PALLD: variants seen among roughly 807,000 people sequenced by gnomAD.
PALLD encodes palladin.
In PALLD, 61 loss-of-function variants were observed where a neutral mutation model predicts 123.5. The ratio of observed to expected loss-of-function variants is 0.49; its 90% CI spans 0.40 to 0.61. The LOEUF is 0.61. Ranked by LOEUF, PALLD falls within the 20% of genes least tolerant of loss-of-function variation. The pLI is 0.00. For synonymous variants in PALLD, 465 were observed against 496.4 expected, an observed-to-expected ratio of 0.94 and a Z score of 0.84; for missense variants, 1,273 against 1,377.0, an observed-to-expected ratio of 0.92 and a Z score of 1.20.
chr4:168,649,883 A>G lies in PALLD; in HGVS notation c.909-18307A>G, dbSNP rs1054684213. On this transcript the variant is annotated intron_variant, in intron 2 of 21. Transcript: ENST00000505667. ...CTCTTTTGTACATTTTAATAAGTTT[A>G]AAATATATAAAGTGGCCAGGCATGG... is the stretch of plus-strand genomic sequence containing the variant. Among the ~76,000 whole-genome samples, 62 of 152,338 alleles carry G rather than the reference A, an allele frequency of 4.1e-4. 1 individual carries two copies. The highest frequency in any genetic ancestry group is 1.3e-4 in the Admixed American group (2 of 15,298).
intron 10 of PALLD, among the ~76,000 whole-genome samples, chr4:168,842,622 C>T (rs1746195576): frequency 6.6e-6 from 1 of 152,220 alleles, no homozygotes; most frequent in Non-Finnish European, 1.5e-5. Flanking sequence ...CCCCAGACAA[C>T]CTACATTGCC....
chr4:168,538,267 T>C (rs1288641823), intron 2 of PALLD, among the ~76,000 whole-genome samples: 1 of 152,138 alleles, frequency 6.6e-6, no homozygotes, highest in Non-Finnish European at 1.5e-5. Flanking sequence ...TCTGAGTAAG[T>C]AAACAATCCA....
In PALLD at chr4:168,589,958, G is replaced by T. The variant is rs998283845; in HGVS notation, c.908+77546G>T. 3.3e-5 allele frequency among the ~76,000 whole-genome samples: 5 copies of T among 152,178 alleles called. No individual in the cohort carries two copies. In the East Asian group the frequency reaches 5.8e-4, roughly 18 times the overall value. On this transcript the variant is annotated intron_variant, in intron 2 of 21. Transcript: ENST00000505667. ...CCAGTTTTTACAAGGATGTCCATTT[G>T]CACCAAATGTCACATGGTGGAAGAA... is the stretch of plus-strand genomic sequence containing the variant.
chr4:168,666,898 A>G (rs1247201478), intron 2 of PALLD, among the ~76,000 whole-genome samples: 1 of 152,204 alleles, frequency 6.6e-6, no homozygotes, highest in Non-Finnish European at 1.5e-5. Flanking sequence ...GTTCTTCAAG[A>G]CTTTATGACA....
intron 10 of PALLD, among the ~76,000 whole-genome samples, chr4:168,768,878 G>A (rs977427412): frequency 1.1e-4 from 17 of 151,188 alleles, no homozygotes; most frequent in African/African-American, 3.9e-4. Context: ...TCACCATTTG[G>A]CTGGCAGTGA....
chr4:168,886,019 CAGATA>C (rs1753284034), intron 10 of PALLD, among the ~76,000 whole-genome samples: 1 of 152,090 alleles, frequency 6.6e-6, no homozygotes, highest in South Asian at 2.1e-4. Flanking sequence ...TGTGGAAAAA[CAGATA>C]AGAAAGCTCA....
chr4:168,861,753 C>T (rs1159085390), intron 10 of PALLD, among the ~76,000 whole-genome samples: 1 of 151,882 alleles, frequency 6.6e-6, no homozygotes, highest in Non-Finnish European at 1.5e-5. Context: ...CCTCCTGAGC[C>T]CAGTTGATCC....
chr4:168,578,366 G>C (rs1241262477), intron 2 of PALLD, among the ~76,000 whole-genome samples: 1 of 152,016 alleles, frequency 6.6e-6, no homozygotes, highest in Non-Finnish European at 1.5e-5. Context: ...TCATGGGGGT[G>C]GTTAACCTCA....
At chr4:168,536,179 A>AC (rs1765069431) in intron 2 of PALLD, among the ~76,000 whole-genome samples, 1 of 152,038 alleles carries the variant, frequency 6.6e-6, no homozygotes, top group Non-Finnish European at 1.5e-5. Flanking sequence ...CTCCCAAAAG[A>AC]CCCCTGACTT....
intron 2 of PALLD, among the ~76,000 whole-genome samples, chr4:168,588,040 C>G (rs1457794357): frequency 6.6e-6 from 1 of 152,016 alleles, no homozygotes; most frequent in Non-Finnish European, 1.5e-5. Context: ...GAAGTCAAAT[C>G]TGGTGCTAAC....
rs79688734 is a variant in PALLD at position 168,750,791 on chromosome 4, A to G, written c.1964+38868A>G. ...TTATGCCTTAAGGCCCTTCTCAAAT[A>G]TCTTCTCCAGAAAGACTTTCCTAAT... On this transcript the variant is annotated intron_variant, in intron 10 of 21. Transcript: ENST00000505667. Among the ~76,000 whole-genome samples the G allele has an allele frequency of 9.0e-3, 1,367 of 152,206 alleles. 14 individuals carry two copies. The highest frequency in any genetic ancestry group is 0.031 in the African/African-American group (1,287 of 41,534).
intron 2 of PALLD, among the ~76,000 whole-genome samples, chr4:168,616,888 A>C (rs1774270856): frequency 6.6e-6 from 1 of 152,160 alleles, no homozygotes; most frequent in Admixed American, 6.5e-5. Context: ...CTTTGCCCTC[A>C]TGCCTCAAGT....
chr4:168,905,786 T>C (rs945804843), intron 15 of PALLD, among the ~76,000 whole-genome samples: 2 of 109,202 alleles, frequency 1.8e-5, no homozygotes, highest in Non-Finnish European at 3.7e-5. Context: ...ACTTGCTTTT[T>C]TTTCTTTTTT....
chr4:168,601,242 G>A (rs941682760), intron 2 of PALLD, among the ~76,000 whole-genome samples: 27 of 152,054 alleles, frequency 1.8e-4, no homozygotes, highest in African/African-American at 5.6e-4. Context: ...CTCACATCCC[G>A]GGAGACTGAA....
At chr4:168,852,072 G>C (rs1747877616) in intron 10 of PALLD, among the ~76,000 whole-genome samples, 1 of 152,154 alleles carries the variant, frequency 6.6e-6, no homozygotes, top group African/African-American at 2.4e-5. Context: ...GGACAGGCTG[G>C]AGAAATGAGG....
chr4:168,648,760 C>G (rs1777740485), intron 2 of PALLD: 2 of 152,190 alleles, frequency 1.3e-5, no homozygotes, highest in Admixed American at 1.3e-4. Flanking sequence ...CTAATATGCT[C>G]CAATCACTCT....
chr4:168,671,844 A>G (rs1213032283), intron 3 of PALLD, among the ~76,000 whole-genome samples: 1 of 152,196 alleles, frequency 6.6e-6, no homozygotes, highest in African/African-American at 2.4e-5. Flanking sequence ...TTGGCAGCCT[A>G]TCTATCAGAG....
chr4:168,517,720 G>A (rs1434492292), intron 2 of PALLD, among the ~76,000 whole-genome samples: 1 of 152,186 alleles, frequency 6.6e-6, no homozygotes, highest in African/African-American at 2.4e-5. Flanking sequence ...CTAGCCAATA[G>A]TTTATGAATA....
At chr4:168,855,089 CTT>C (rs11338063) in intron 10 of PALLD, among the ~76,000 whole-genome samples, 91 of 103,956 alleles carry the variant, frequency 8.8e-4, no homozygotes, top group East Asian at 2.5e-3. Context: ...AAGGAATGTT[CTT>C]TTTTTTTTTT....
Sources: allele counts gnomAD v4.1 joint callset (sites outside exome capture counted in the v4.1 genomes callset), GRCh38; gene constraint gnomAD v4.1.1; transcripts MANE v1.5; gene names NCBI Gene and HGNC (gene_info 2026-07-23, HGNC 2026-07-21).